NEURL4: variants seen among roughly 807,000 people sequenced by gnomAD.
The protein encoded by NEURL4 is neuralized-like protein 4.
NEURL4 carries 45 observed loss-of-function variants against 148.0 expected under a neutral mutation model. The observed-to-expected ratio is 0.30, with a 90% CI of 0.24 to 0.39. The LOEUF is 0.39. NEURL4 is among the 10% of genes least tolerant of loss of function. The pLI is 1.00. For missense variants in NEURL4, 1,776 were observed against 2,144.0 expected, an observed-to-expected ratio of 0.83 and a Z score of 3.39; for synonymous variants, 854 against 869.0, an observed-to-expected ratio of 0.98 and a Z score of 0.30.
rs760282088 is a variant in NEURL4, at chr17:7,319,012, A to G, written c.3684+38T>C. 1.9e-6 allele frequency: 3 copies of G among 1,562,806 alleles called. No homozygotes were observed. The East Asian group carries it at 6.8e-5, about 35-fold the overall frequency. The stretch of plus-strand genomic sequence containing the variant: ...TTCTGGCCAGCCCTTCTCTACTCAC[A>G]GGCCTGGTCCTGTTCCTTCTCTCTG... On this transcript the variant is annotated intron_variant, in intron 22 of 28. Transcript: ENST00000399464.
rs760627745 is a variant in NEURL4, at chr17:7,324,313, C to G, written c.1900-43G>C. On this transcript the variant is annotated intron_variant, in intron 10 of 28. Coordinates refer to ENST00000399464, the MANE Select transcript of NEURL4 (RefSeq NM_032442.3). The surrounding 1 kb of genome is among the most constrained non-coding windows in gnomAD (Gnocchi z 5.9). ...CTGGAGTGAGGAGTCAGGCAGAGTTCCTGCCGGGGCTGGTCCTGCATCAGC... is the reference window on the plus strand; with the variant it reads ...CTGGAGTGAGGAGTCAGGCAGAGTTGCTGCCGGGGCTGGTCCTGCATCAGC... The G allele has an allele frequency of 6.2e-7, 1 of 1,613,288 alleles. No homozygotes were observed. The highest frequency in any genetic ancestry group is 8.5e-7 in the Non-Finnish European group (1 of 1,179,448).
In NEURL4 at chr17:7,318,364, G is replaced by A. The variant is rs2072979669; in HGVS notation, c.3865-8C>T. On this transcript the variant is annotated splice_region_variant and splice_polypyrimidine_tract_variant and intron_variant, in intron 23 of 28. Transcript: ENST00000399464. The surrounding 1 kb of genome is among the most constrained non-coding windows in gnomAD (Gnocchi z 4.3). ...AGGGTTCACGATTGTCACCTGCAGG[G>A]GAGAGGGTAGTCAGACAGAGCTTGG... 6.2e-7 allele frequency: 1 copy of A among 1,613,788 alleles called. No individual in the cohort carries two copies. Among genetic ancestry groups the A allele is most frequent in the Non-Finnish European group, 8.5e-7 (1 of 1,179,866 alleles).
rs777984962 is a variant in NEURL4, at chr17:7,327,709, A to G, written c.458T>C (p.Leu153Pro). The change falls in exon 2 of 29, where the codon CTT (leucine) becomes CCT (proline). Residue 153 changes from leucine (L) to proline (P), a missense_variant. By Grantham distance (98) the Leu-to-Pro change is moderately conservative (BLOSUM62 -3). Coordinates refer to ENST00000399464, the MANE Select transcript of NEURL4 (RefSeq NM_032442.3). This position sits in a 1 kb window ranked among gnomAD's most constrained non-coding sequence, Gnocchi z 6.6. Reference sequence around the variant, plus strand: ...CACGCCCACGCGGTCCCCTTCACCAAGCTGGTCCAGGTCCTGACCATACTC... The same window carrying G: ...CACGCCCACGCGGTCCCCTTCACCAGGCTGGTCCAGGTCCTGACCATACTC... Reference protein sequence around the residue: ...LEEYGQDLDQLGEGDRVGVER... With the variant: ...LEEYGQDLDQPGEGDRVGVER... 1 of 1,614,090 alleles carries G rather than the reference A, an allele frequency of 6.2e-7. No homozygotes were observed. The highest frequency in any genetic ancestry group is 1.1e-5 in the South Asian group (1 of 91,092).
At position 7,321,729 on chromosome 17, in the gene NEURL4, G is replaced by A; in HGVS notation, c.2930C>T (p.Thr977Ile). ...GGGTCCCATCTCCCCCGGTGCTAGT[G>A]TGGTCAGCCCCAGCCGCAGGGAACC... ...WAGSLRLGLT[T>I]LAPGEMGPGA... Residue 977 changes from threonine (T) to isoleucine (I), a missense_variant, in exon 18 of 29, where the codon ACA (threonine) becomes ATA (isoleucine). Thr to Ile is a moderately conservative substitution (Grantham distance 89). Transcript: ENST00000399464. This position sits in a 1 kb window ranked among gnomAD's most constrained non-coding sequence, Gnocchi z 6.3. The A allele has an allele frequency of 2.5e-6, 4 of 1,613,684 alleles. No individual in the cohort carries two copies. The South Asian group carries it at 4.4e-5, about 18-fold the overall frequency.
In NEURL4 at chr17:7,315,897, G is replaced by A. The variant is rs2072935250; in HGVS notation, c.*226C>T. On this transcript the variant is annotated 3_prime_UTR_variant, in exon 29 of 29. Transcript: ENST00000399464. The stretch of plus-strand genomic sequence containing the variant: ...ATGAAGAGGGGTACCAGGGCCTGGA[G>A]CTGGGCTCCCACGACTCCTCCCATC... 1 of 595,152 alleles carries A rather than the reference G, an allele frequency of 1.7e-6. No individual in the cohort carries two copies. Among genetic ancestry groups the A allele is most frequent in the Non-Finnish European group, 3.0e-6 (1 of 333,588 alleles). 36.9% of individuals were successfully genotyped at this position (595,152 alleles called of 1,614,324 possible).
Position 7,327,267 on chromosome 17 carries a change from C to A in NEURL4, c.728-37G>T. On this transcript the variant is annotated intron_variant, in intron 2 of 28. Transcript: ENST00000399464. The surrounding 1 kb of genome is among the most constrained non-coding windows in gnomAD (Gnocchi z 6.6). ...GTGGGATGGGAGGGGAATAAGGGTT[C>A]AGTCCCTGCTTCACGGCCCATAGCC... 1 of 1,569,792 alleles carries A rather than the reference C, an allele frequency of 6.4e-7. No individual in the cohort carries two copies. The highest frequency in any genetic ancestry group is 1.2e-5 in the South Asian group (1 of 86,068).
rs1229293202 is a variant in NEURL4, at chr17:7,318,537, C to T, written c.3822G>A (p.Gln1274=). 1 of 1,612,494 alleles carries T rather than the reference C, an allele frequency of 6.2e-7. No homozygotes were observed. Among genetic ancestry groups the T allele is most frequent in the Admixed American group, 1.7e-5 (1 of 59,806 alleles). The change falls in exon 23 of 29, where the codon CAG becomes CAA. Residue 1274 remains glutamine (Q), a synonymous_variant. Transcript: ENST00000399464. This position sits in a 1 kb window ranked among gnomAD's most constrained non-coding sequence, Gnocchi z 4.3. ...AGAGGTCCACAAGCGCATGGCAGGG[C>T]TGGGGCACATCTGGCACAGCTACCC... ...DQGVAVPDVP[Q]PCHALVDLYG...
At chr17:7,325,863 T>G in intron 6 of NEURL4, 150 bp from the exon 7 acceptor site, 1 of 692,336 alleles carries the variant, frequency 1.4e-6, no homozygotes, top group South Asian at 1.6e-5. Flanking sequence ...CATGACAATT[T>G]CCACATTTCG....
intron 28 of NEURL4, 68 bp downstream of exon 28, chr17:7,317,137 A>G: frequency 1.7e-6 from 2 of 1,173,946 alleles, no homozygotes; most frequent in Non-Finnish European, 2.3e-6. Flanking sequence ...TGAAGACCCC[A>G]GTGGCTGCGC....
Position 7,321,703 on chromosome 17 carries a change from C to T in NEURL4, c.2956G>A (p.Gly986Arg), listed in dbSNP as rs954021473. 1.4e-5 allele frequency: 23 copies of T among 1,613,610 alleles called. No homozygotes were observed. The highest frequency in any genetic ancestry group is 1.6e-4 in the Middle Eastern group (1 of 6,084). ...AGCCCTGGGCCACCACCGCCTGCCC[C>T]GGGTCCCATCTCCCCCGGTGCTAGT... ...TTLAPGEMGP[G>R]AGGGGPGLPP... is the part of the protein sequence containing the mutation. The change falls in exon 18 of 29, where the codon GGG (glycine) becomes AGG (arginine). Residue 986 changes from glycine to arginine, a missense_variant. By Grantham distance (125) the Gly-to-Arg change is moderately radical. Coordinates refer to ENST00000399464, the MANE Select transcript of NEURL4 (RefSeq NM_032442.3). This position sits in a 1 kb window ranked among gnomAD's most constrained non-coding sequence, Gnocchi z 6.3.
chr17:7,328,553 G>A (rs1326535823), intron 1 of NEURL4, among the ~76,000 whole-genome samples: 2 of 152,148 alleles, frequency 1.3e-5, no homozygotes, highest in Non-Finnish European at 2.9e-5. Context: ...ACAGGCGCAC[G>A]CCACCATGCC....
Position 7,325,647 on chromosome 17 carries a change from C to T in NEURL4, c.1360G>A (p.Asp454Asn), listed in dbSNP as rs374392632. ...SALHFFINGIDQGVATPLTPP... is the reference protein window; with the variant it reads ...SALHFFINGINQGVATPLTPP... ...CTCTCTGGGCGGCCCTTACCCTGAT[C>T]GATACCATTAATGAAGAAGTGTAGG... The change falls in exon 7 of 29, where the codon GAT becomes AAT. Residue 454 changes from aspartate (D) to asparagine (N), a missense_variant. By Grantham distance (23) the Asp-to-Asn change is conservative. Coordinates refer to ENST00000399464, the MANE Select transcript of NEURL4 (RefSeq NM_032442.3). The T allele has an allele frequency of 8.7e-6, 14 of 1,613,538 alleles. No homozygotes were observed. In the Admixed American group the frequency reaches 1.8e-4, roughly 21 times the overall value.
chr17:7,325,649 A>T lies in NEURL4; in HGVS notation c.1358T>A (p.Ile453Asn). The T allele has an allele frequency of 6.2e-7, 1 of 1,613,724 alleles. No individual in the cohort carries two copies. The highest frequency in any genetic ancestry group is 8.5e-7 in the Non-Finnish European group (1 of 1,179,892). The part of the protein sequence containing the change: ...NSALHFFING[I>N]DQGVATPLTP... The stretch of plus-strand genomic sequence containing the variant: ...CTCTGGGCGGCCCTTACCCTGATCG[A>T]TACCATTAATGAAGAAGTGTAGGGC... Residue 453 changes from isoleucine to asparagine, a missense_variant, in exon 7 of 29, where the codon ATC (isoleucine) becomes AAC (asparagine). Transcript: ENST00000399464.
At chr17:7,316,393 G>A in intron 28 of NEURL4, 66 bp from the exon 29 acceptor site, 3 of 1,314,250 alleles carry the variant, frequency 2.3e-6, no homozygotes. Flanking sequence ...TGCAAAGTCT[G>A]TTCCAACCAC....
Position 7,318,493 on chromosome 17 carries a change from A to G in NEURL4, c.3864+2T>C. The stretch of plus-strand genomic sequence containing the variant: ...CTCCTCCCTGCCCCCACTGCCACTA[A>G]CCTGCTCACACTGCCCATAGAGGTC... On this transcript the variant is annotated splice_donor_variant, in intron 23 of 28. Transcript: ENST00000399464. LOFTEE classifies it high-confidence loss of function. This position sits in a 1 kb window ranked among gnomAD's most constrained non-coding sequence, Gnocchi z 4.3. 6.2e-7 allele frequency: 1 copy of G among 1,605,292 alleles called. No individual in the cohort carries two copies. The highest frequency in any genetic ancestry group is 8.5e-7 in the Non-Finnish European group (1 of 1,174,748).
At position 7,327,306 on chromosome 17, in the gene NEURL4, A is replaced by C; in HGVS notation, c.728-76T>G. Reference sequence around the variant, plus strand: ...CGGCCCATAGCCAGGAGAACCCCCCATCCTCTAGCTCCTGCTCTCCCATTC... The same window carrying C: ...CGGCCCATAGCCAGGAGAACCCCCCCTCCTCTAGCTCCTGCTCTCCCATTC... On this transcript the variant is annotated intron_variant, in intron 2 of 28. Transcript: ENST00000399464. The surrounding 1 kb of genome is among the most constrained non-coding windows in gnomAD (Gnocchi z 6.6). 1 of 1,468,314 alleles carries C rather than the reference A, an allele frequency of 6.8e-7. No individual in the cohort carries two copies. The highest frequency in any genetic ancestry group is 9.2e-7 in the Non-Finnish European group (1 of 1,091,182). The allele number at this position is 1,468,314 out of a possible 1,614,324, so 91.0% of individuals were successfully genotyped here.
chr17:7,317,618 T>TCC, intron 26 of NEURL4, 45 bp from the exon 27 acceptor site: 1 of 1,571,514 alleles, frequency 6.4e-7, no homozygotes, highest in Non-Finnish European at 8.8e-7. Context: ...GGCCACTGAC[T>TCC]CCCCAGTGGA....
At position 7,324,608 on chromosome 17, in the gene NEURL4, C is replaced by T. The variant is rs2073077034; in HGVS notation, c.1814-128G>A. The T allele has an allele frequency of 6.4e-6, 7 of 1,090,534 alleles. No individual in the cohort carries two copies. The highest frequency in any genetic ancestry group is 9.5e-6 in the Non-Finnish European group (7 of 738,808). 67.6% of individuals were successfully genotyped at this position (1,090,534 alleles called of 1,614,324 possible). On this transcript the variant is annotated intron_variant, in intron 9 of 28. Coordinates refer to ENST00000399464, the MANE Select transcript of NEURL4 (RefSeq NM_032442.3). This position sits in a 1 kb window ranked among gnomAD's most constrained non-coding sequence, Gnocchi z 5.9. ...CTTTTCTTTGATGACTAGATTTCTT[C>T]CCTGAGCAGGACAAGAAAACTCTGC...
intron 21 of NEURL4, among the ~76,000 whole-genome samples, chr17:7,319,625 G>A (rs564569458): frequency 4.7e-5 from 7 of 149,596 alleles, no homozygotes; most frequent in African/African-American, 1.7e-4. Flanking sequence ...GCTTGAACCC[G>A]GGAGGTGGAG....
Sources: gnomAD v4.1 joint callset for allele counts (sites outside exome capture counted in the v4.1 genomes callset) on GRCh38, gnomAD v4.1.1 for gene constraint, Gnocchi (gnomAD v3.1) non-coding constraint, MANE v1.5 for transcripts, NCBI Gene and HGNC (gene_info 2026-07-23, HGNC 2026-07-21) for gene names.